SPRYD3: variants seen among roughly 807,000 people sequenced by gnomAD.
The protein encoded by SPRYD3 is SPRY domain containing 3, also known as SPRY domain-containing protein 3.
Under a neutral mutation model 50.1 loss-of-function variants are expected in SPRYD3, and 17 were observed. The ratio of observed to expected loss-of-function variants is 0.34; its 90% CI spans 0.23 to 0.51. The LOEUF (loss-of-function observed/expected upper bound fraction) is 0.51. Ranked by LOEUF, SPRYD3 falls within the 20% of genes least tolerant of loss-of-function variation. The pLI, the probability that SPRYD3 is intolerant of heterozygous loss-of-function variation, is 0.97. For missense variants in SPRYD3, 401 were observed against 591.2 expected, an observed-to-expected ratio of 0.68 and a Z score of 3.34; for synonymous variants, 198 against 215.5, an observed-to-expected ratio of 0.92 and a Z score of 0.71.
At chr12:53,075,993 C>T (rs1284628572) in intron 2 of SPRYD3, among the ~76,000 whole-genome samples, 182 bp from the exon 3 acceptor site, 1 of 152,194 alleles carries the variant, frequency 6.6e-6, no homozygotes, top group Non-Finnish European at 1.5e-5. Flanking sequence ...CTACTCCTCT[C>T]GCAGCCTCCA....
chr12:53,066,836 G>A, intron 8 of SPRYD3, 144 bp from the exon 9 acceptor site: 1 of 1,085,188 alleles, frequency 9.2e-7, no homozygotes, highest in Admixed American at 3.0e-5. Flanking sequence ...AGAGAGGCCG[G>A]GCGCGGTGGC....
chr12:53,067,520 G>C, intron 8 of SPRYD3, 128 bp downstream of exon 8: 1 of 822,424 alleles, frequency 1.2e-6, no homozygotes. Context: ...GATTTGGGAA[G>C]GGGAGGTCAG....
At chr12:53,066,774 A>G in intron 8 of SPRYD3, 82 bp from the exon 9 acceptor site, 1 of 1,485,428 alleles carries the variant, frequency 6.7e-7, no homozygotes, top group Non-Finnish European at 9.1e-7. Flanking sequence ...GAAGCTGAAC[A>G]CTTCCCACCC....
intron 1 of SPRYD3, among the ~76,000 whole-genome samples, chr12:53,078,835 C>T (rs964018085): frequency 3.3e-5 from 5 of 152,270 alleles, no homozygotes; most frequent in African/African-American, 1.2e-4. Flanking sequence ...ACGGTAGGTG[C>T]TTAGTAAGCC....
chr12:53,075,911 C>G (rs1944584779), intron 2 of SPRYD3, 100 bp from the exon 3 acceptor site: 3 of 878,650 alleles, frequency 3.4e-6, no homozygotes, highest in Non-Finnish European at 5.7e-6. Flanking sequence ...GGCCAGCACA[C>G]AGGAGAATCC....
At position 53,068,287 on chromosome 12, in the gene SPRYD3, C is replaced by T; in HGVS notation, c.711G>A (p.Gly237=). The change falls in exon 7 of 11, where the codon GGG becomes GGA. Residue 237 remains glycine, a synonymous_variant. Transcript: ENST00000301463. ...CCACATCCACGATGCTTTTGCCCTT[C>T]CCTAAGTACTCCAGCAGCTGTGGGG... The part of the protein sequence containing the change: ...RVCGTLLEYL[G]KGKSIVDVGL... 2 of 1,614,154 alleles carry T rather than the reference C, an allele frequency of 1.2e-6. No individual in the cohort carries two copies. Among genetic ancestry groups the T allele is most frequent in the Non-Finnish European group, 1.7e-6 (2 of 1,180,038 alleles).
Position 53,068,249 on chromosome 12 carries a change from G to C in SPRYD3, c.749C>G (p.Ala250Gly). 6.2e-7 allele frequency: 1 copy of C among 1,614,202 alleles called. No individual in the cohort carries two copies. Among genetic ancestry groups the C allele is most frequent in the Non-Finnish European group, 8.5e-7 (1 of 1,180,028 alleles). ...GCTGCGGGTGCTGAGTGGGTGCCGG[G>C]CCTGGGCCAGCCCCACATCCACGAT... Reference protein sequence around the residue: ...KSIVDVGLAQARHPLSTRSHY... With the variant: ...KSIVDVGLAQGRHPLSTRSHY... Residue 250 changes from alanine to glycine, a missense_variant, in exon 7 of 11, where the codon GCC (alanine) becomes GGC (glycine). Coordinates refer to ENST00000301463, the MANE Select transcript of SPRYD3 (RefSeq NM_032840.3).
chr12:53,067,160 CAAATA>C (rs1944515992), intron 8 of SPRYD3, among the ~76,000 whole-genome samples: 1 of 148,786 alleles, frequency 6.7e-6, no homozygotes, highest in Non-Finnish European at 1.5e-5. Flanking sequence ...AAGGGGGCAC[CAAATA>C]AAATAAAGAG....
chr12:53,074,921 G>A lies in SPRYD3; in HGVS notation c.372-137C>T, dbSNP rs1026869051. The A allele has an allele frequency of 3.7e-6, 5 of 1,349,326 alleles. No individual in the cohort carries two copies. Among genetic ancestry groups the A allele is most frequent in the Non-Finnish European group, 5.2e-6 (5 of 960,104 alleles). 83.6% of individuals were successfully genotyped at this position (1,349,326 alleles called of 1,614,324 possible). ...GGTACCCACTTACGTCCTGGCGTGAGCATCACCCTCCTCTAGTCTGTAAGC... is the reference window on the plus strand; with the variant it reads ...GGTACCCACTTACGTCCTGGCGTGAACATCACCCTCCTCTAGTCTGTAAGC... On this transcript the variant is annotated intron_variant, in intron 4 of 10. Transcript: ENST00000301463. This position sits in a 1 kb window ranked among gnomAD's most constrained non-coding sequence, Gnocchi z 4.6.
At chr12:53,075,597 C>T in intron 3 of SPRYD3, 139 bp downstream of exon 3, 1 of 698,486 alleles carries the variant, frequency 1.4e-6, no homozygotes, top group South Asian at 1.8e-5. Flanking sequence ...CTATCCTGCA[C>T]CTATTTCCCA....
At chr12:53,067,214 A>T (rs1463214523) in intron 8 of SPRYD3, among the ~76,000 whole-genome samples, 1 of 151,794 alleles carries the variant, frequency 6.6e-6, no homozygotes, top group African/African-American at 2.4e-5. Flanking sequence ...GTAAGGGAGA[A>T]CCCTTAGGAA....
At chr12:53,073,259 C>CCGGGGGGGGGGGGGGGGGGGGGG in intron 6 of SPRYD3, 27 bp downstream of exon 6, 12 of 400,920 alleles carry the variant, frequency 3.0e-5, no homozygotes, top group East Asian at 7.7e-5. Context: ...CGACCCAGCC[C>CCGGGGGGGGGGGGGGGGGGGGGG]CTCCCACCCT....
intron 7 of SPRYD3, 83 bp from the exon 8 acceptor site, chr12:53,067,788 G>C: frequency 7.6e-7 from 1 of 1,313,612 alleles, no homozygotes; most frequent in Non-Finnish European, 1.1e-6. Flanking sequence ...CTGAACCTCT[G>C]GGACAGACCA....
At chr12:53,079,289 C>T in intron 1 of SPRYD3, 22 bp downstream of exon 1, 1 of 1,602,626 alleles carries the variant, frequency 6.2e-7, no homozygotes. Flanking sequence ...CCTCCGGGAC[C>T]CCGCCCCCGA....
chr12:53,070,333 G>A (rs1181890120), intron 6 of SPRYD3, among the ~76,000 whole-genome samples: 1 of 152,198 alleles, frequency 6.6e-6, no homozygotes, highest in African/African-American at 2.4e-5. Context: ...AGAACTCAGA[G>A]GGGTGGAAGT....
chr12:53,067,670 T>C lies in SPRYD3; in HGVS notation c.879A>G (p.Arg293=). 6.2e-7 allele frequency: 1 copy of C among 1,613,986 alleles called. No homozygotes were observed. The highest frequency in any genetic ancestry group is 8.5e-7 in the Non-Finnish European group (1 of 1,179,952). The change falls in exon 8 of 11, where the codon AGA becomes AGG. Residue 293 remains arginine, a synonymous_variant. Coordinates refer to ENST00000301463, the MANE Select transcript of SPRYD3 (RefSeq NM_032840.3). ...CACCTGCATGATAAGCCACAGACCC[T>C]CTGCTCCAGCCAGGGTGCCTGTTCT... ...YPKNRHPGWS[R]GSVAYHADDG...
Position 53,068,191 on chromosome 12 carries a change from T to C in SPRYD3, c.807A>G (p.Gly269=). The change falls in exon 7 of 11, where the codon GGA becomes GGG. Residue 269 remains glycine (G), a synonymous_variant. Transcript: ENST00000301463. ...HYFEVEIVDP[G]EKCYIALGLA... is the part of the protein sequence containing the mutation. ...GCCCCAGGGCGATGTAGCATTTCTC[T>C]CCAGGGTCCACGATCTCCACCTCGA... 6.2e-7 allele frequency: 1 copy of C among 1,614,198 alleles called. No individual in the cohort carries two copies. Among genetic ancestry groups the C allele is most frequent in the Non-Finnish European group, 8.5e-7 (1 of 1,180,034 alleles).
At chr12:53,078,961 A>G (rs769384090) in intron 1 of SPRYD3, among the ~76,000 whole-genome samples, 2 of 151,792 alleles carry the variant, frequency 1.3e-5, no homozygotes, top group African/African-American at 2.4e-5. Flanking sequence ...CTAAGATTCC[A>G]CTCCCGGGCA....
intron 2 of SPRYD3, 133 bp from the exon 3 acceptor site, chr12:53,075,944 C>T (rs953682065): frequency 2.5e-5 from 18 of 706,832 alleles, no homozygotes; most frequent in Non-Finnish European, 3.5e-5. Context: ...TTCAGTACAT[C>T]GGCAGACATC....
Sources: allele counts gnomAD v4.1 joint callset (sites outside exome capture counted in the v4.1 genomes callset), GRCh38; gene constraint gnomAD v4.1.1; non-coding constraint Gnocchi (gnomAD v3.1); transcripts MANE v1.5; gene names NCBI Gene and HGNC (gene_info 2026-07-23, HGNC 2026-07-21).